The following TPX2 variants were observed in gnomAD, a reference collection of about 807,000 sequenced individuals.
The protein encoded by TPX2 is TPX2 microtubule nucleation factor, also known as targeting protein for Xklp2.
A neutral mutation model predicts 93.6 loss-of-function variants in TPX2; 21 were observed. The observed-to-expected ratio is 0.22, with a 90% confidence interval of 0.16 to 0.32. The LOEUF is 0.32. Ranked by LOEUF, TPX2 falls within the 10% of genes least tolerant of loss-of-function variation. The pLI, the probability that TPX2 is intolerant of heterozygous loss-of-function variation, is 1.00. For synonymous variants in TPX2, 281 were observed against 298.3 expected (o/e 0.94, Z 0.60); for missense variants, 776 against 871.1 (o/e 0.89, Z 1.37).
intron 12 of TPX2, among the ~76,000 whole-genome samples, chr20:31,788,263 A>G (rs2062079383): frequency 6.6e-6 from 1 of 151,856 alleles, no homozygotes; most frequent in Non-Finnish European, 1.5e-5. Flanking sequence ...CTAAATACAA[A>G]AAAAATTAGC....
intron 12 of TPX2, among the ~76,000 whole-genome samples, chr20:31,790,814 C>G (rs975692773): frequency 1.3e-5 from 2 of 152,114 alleles, no homozygotes; most frequent in Non-Finnish European, 2.9e-5. Flanking sequence ...TCGAAGCACT[C>G]AGGCTAGCAG....
At chr20:31,779,364 A>G (rs2062020083) in intron 10 of TPX2, among the ~76,000 whole-genome samples, 1 of 152,224 alleles carries the variant, frequency 6.6e-6, no homozygotes, top group East Asian at 1.9e-4. Context: ...GTGGTCCACC[A>G]AAATTTTTAC....
At chr20:31,780,925 G>C (rs574275570) in intron 10 of TPX2, 1 of 406,530 alleles carries the variant, frequency 2.5e-6, no homozygotes, top group Non-Finnish European at 4.8e-6. Context: ...TTTCCTTCTT[G>C]TTTTGCTTTT....
At chr20:31,787,774 C>T (rs887089115) in intron 12 of TPX2, among the ~76,000 whole-genome samples, 2 of 152,096 alleles carry the variant, frequency 1.3e-5, no homozygotes, top group Non-Finnish European at 2.9e-5. Context: ...ATAATTAGGG[C>T]AGAGGAAGCA....
chr20:31,781,127 T>G (rs147904170), intron 10 of TPX2: 1 of 170,736 alleles, frequency 5.9e-6, no homozygotes, highest in Admixed American at 6.4e-5. Context: ...TCTCATTATG[T>G]TGCCCAGGCT....
chr20:31,768,317 C>T (rs978857988), intron 5 of TPX2, among the ~76,000 whole-genome samples: 1 of 151,628 alleles, frequency 6.6e-6, no homozygotes, highest in African/African-American at 2.4e-5. Context: ...CTCACTGCAA[C>T]CTCCGCCTCC....
chr20:31,757,684 C>A, intron 3 of TPX2, 102 bp downstream of exon 3: 1 of 814,218 alleles, frequency 1.2e-6, no homozygotes, highest in Non-Finnish European at 2.0e-6. Context: ...ACTAAAATAT[C>A]AACTTCTTTC....
chr20:31,778,785 A>G (rs751399225), intron 9 of TPX2, 28 bp from the exon 10 acceptor site: 2 of 1,522,052 alleles, frequency 1.3e-6, no homozygotes, highest in East Asian at 2.3e-5. Context: ...GTGACATTTC[A>G]TTTGGGGAAC....
chr20:31,762,611 A>T (rs939269617), intron 4 of TPX2, among the ~76,000 whole-genome samples: 2 of 151,968 alleles, frequency 1.3e-5, no homozygotes, highest in Non-Finnish European at 2.9e-5. Flanking sequence ...CGGCCTCCCA[A>T]AGTGCTGGGA....
At position 31,782,403 on chromosome 20, in the gene TPX2, G is replaced by T. The variant is rs929850012; in HGVS notation, c.1196+13G>T. The T allele has an allele frequency of 1.1e-5, 17 of 1,597,638 alleles. No homozygotes were observed. The highest frequency in any genetic ancestry group is 1.4e-5 in the Non-Finnish European group (16 of 1,172,454). On this transcript the variant is annotated intron_variant, in intron 11 of 17. Transcript: ENST00000300403. ...AGAAATTGCAACAGTAAGTCCCACTGGCAGTATCTGAGGAAGAGTTCCACG... is the reference window on the plus strand; with the variant it reads ...AGAAATTGCAACAGTAAGTCCCACTTGCAGTATCTGAGGAAGAGTTCCACG...
intron 11 of TPX2, 86 bp downstream of exon 11, chr20:31,782,476 T>G: frequency 6.7e-7 from 1 of 1,503,046 alleles, no homozygotes; most frequent in Non-Finnish European, 8.9e-7. Context: ...AGTTGCTATT[T>G]TTCTTTCCGT....
intron 2 of TPX2, among the ~76,000 whole-genome samples, chr20:31,746,148 G>A (rs1024353285): frequency 8.5e-5 from 13 of 152,192 alleles, no homozygotes; most frequent in African/African-American, 3.1e-4. Flanking sequence ...CCCAATTTTG[G>A]AAGCTTCATA....
At chr20:31,790,615 G>A (rs1428939742) in intron 12 of TPX2, among the ~76,000 whole-genome samples, 7 of 152,184 alleles carry the variant, frequency 4.6e-5, no homozygotes, top group Non-Finnish European at 8.8e-5. Context: ...GTTTCGAACG[G>A]TTGCAGCATT....
At chr20:31,787,544 C>G (rs1191358001) in intron 12 of TPX2, among the ~76,000 whole-genome samples, 1 of 152,036 alleles carries the variant, frequency 6.6e-6, no homozygotes, top group Non-Finnish European at 1.5e-5. Flanking sequence ...GTTAAGGATG[C>G]ATGCCTGGGA....
chr20:31,745,971 A>G (rs2061781625), intron 2 of TPX2, among the ~76,000 whole-genome samples: 1 of 152,202 alleles, frequency 6.6e-6, no homozygotes. Context: ...TGAGTTTGTA[A>G]TCCTTAAAAA....
intron 12 of TPX2, among the ~76,000 whole-genome samples, chr20:31,788,124 G>A (rs534468900): frequency 2.6e-5 from 4 of 152,050 alleles, no homozygotes; most frequent in African/African-American, 9.7e-5. Context: ...ACATTTATAA[G>A]AGAGTAAGTC....
At chr20:31,758,399 C>A (rs193057143) in intron 3 of TPX2, among the ~76,000 whole-genome samples, 2 of 152,274 alleles carry the variant, frequency 1.3e-5, no homozygotes, top group African/African-American at 2.4e-5. Flanking sequence ...GGATTACAGG[C>A]GTGAGCCACT....
intron 12 of TPX2, among the ~76,000 whole-genome samples, chr20:31,787,703 G>A (rs993378181): frequency 3.3e-5 from 5 of 152,096 alleles, no homozygotes; most frequent in African/African-American, 1.2e-4. Context: ...ATGTGAGAGG[G>A]GGTAGAGGAA....
At chr20:31,781,253 CTTTTTTTTTTT>C (rs1007150417) in intron 10 of TPX2, among the ~76,000 whole-genome samples, 2 of 116,774 alleles carry the variant, frequency 1.7e-5, no homozygotes, top group Non-Finnish European at 3.5e-5. Flanking sequence ...GGCCTTATAT[CTTTTTTTTTTT>C]TTTTTTTTTT....
Sources: allele counts gnomAD v4.1 joint callset (sites outside exome capture counted in the v4.1 genomes callset), GRCh38; gene constraint gnomAD v4.1.1; transcripts MANE v1.5; gene names NCBI Gene and HGNC (gene_info 2026-07-23, HGNC 2026-07-21).